RASA3: variants seen among roughly 807,000 people sequenced by gnomAD.
RASA3 encodes the protein RAS p21 protein activator 3.
RASA3 carries 73 observed loss-of-function variants against 110.0 expected under a neutral mutation model. That is an observed-to-expected ratio of 0.66 (90% CI 0.55 to 0.81). The LOEUF (loss-of-function observed/expected upper bound fraction) is 0.81. RASA3 is among the 30% of genes least tolerant of loss of function. RASA3 has a pLI of 0.00. For synonymous variants in RASA3, 500 were observed against 451.4 expected (o/e 1.11, Z -1.37); for missense variants, 976 against 1,113.2 (o/e 0.88, Z 1.75).
Position 114,011,739 on chromosome 13 carries a change from A to G in RASA3, c.1513-491T>C, listed in dbSNP as rs530546773. 6.6e-6 allele frequency among the ~76,000 whole-genome samples: 1 copy of G among 152,214 alleles called. No homozygotes were observed. Among genetic ancestry groups the G allele is most frequent in the South Asian group, 2.1e-4 (1 of 4,824 alleles). On this transcript the variant is annotated intron_variant, in intron 15 of 23. Coordinates refer to ENST00000334062, the MANE Select transcript of RASA3 (RefSeq NM_007368.4). The surrounding 1 kb of genome is among the most constrained non-coding windows in gnomAD (Gnocchi z 4.8). ...GGAGTTCGAGACCAGCCTGGCCAAC[A>G]TGGTAAAACCCCATCTCTAATAAAA...
chr13:114,042,688 G>A (rs915622810), intron 3 of RASA3, among the ~76,000 whole-genome samples: 9 of 152,220 alleles, frequency 5.9e-5, no homozygotes, highest in African/African-American at 1.7e-4. Context: ...CTCTTCCAAG[G>A]AAGATCCTTT....
intron 4 of RASA3, among the ~76,000 whole-genome samples, chr13:114,036,765 G>A (rs1277910269): frequency 6.6e-6 from 1 of 152,166 alleles, no homozygotes; most frequent in Non-Finnish European, 1.5e-5. Flanking sequence ...TCAAACACCT[G>A]ACCTCAGGTG....
chr13:114,073,696 A>G (rs1169913512), intron 2 of RASA3, 24 bp downstream of exon 2: 5 of 1,561,366 alleles, frequency 3.2e-6, no homozygotes, highest in Non-Finnish European at 4.4e-6. Flanking sequence ...CATCAGTGCC[A>G]AGTAAAGCAA....
At chr13:114,117,317 CGTGTGTGACAGATGCAT>C (rs1292878538) in intron 1 of RASA3, among the ~76,000 whole-genome samples, 1 of 97,442 alleles carries the variant, frequency 1.0e-5, no homozygotes, top group East Asian at 3.5e-4. Flanking sequence ...GAGGGGTGCA[CGTGTGTGACAGATGCAT>C]GTGTGTGAGG....
In RASA3 at chr13:113,992,538, T is replaced by A. The variant is rs2053143453; in HGVS notation, c.2192A>T (p.Glu731Val). ...CAAGTTGAAGAGGGAGTAGATACGC[T>A]CCGTCTCACGGTCCCCATCAATGTC... ...QLDIDGDRET[E>V]RIYSLFNLYM... is the part of the protein sequence containing the mutation. The change falls in exon 22 of 24, where the codon GAG becomes GTG. Residue 731 changes from glutamate to valine, a missense_variant. By Grantham distance (121) the Glu-to-Val change is moderately radical. Around this residue, in one of 4 missense-constraint regions of RASA3, gnomAD observed 132 missense variants for 152.8 expected, o/e 0.86. Transcript: ENST00000334062. The A allele has an allele frequency of 1.2e-6, 2 of 1,613,654 alleles. No homozygotes were observed. The highest frequency in any genetic ancestry group is 1.7e-6 in the Non-Finnish European group (2 of 1,179,964).
chr13:113,996,077 C>A lies in RASA3; in HGVS notation c.2141+454G>T, dbSNP rs1162964433. On this transcript the variant is annotated intron_variant, in intron 21 of 23. Coordinates refer to ENST00000334062, the MANE Select transcript of RASA3 (RefSeq NM_007368.4). Reference sequence around the variant, plus strand: ...GGGGCCCGGCTGATGGGGGGCCCGGCTGATGGGGGGCCCGGCTGATGGGGA... The same window carrying A: ...GGGGCCCGGCTGATGGGGGGCCCGGATGATGGGGGGCCCGGCTGATGGGGA... Among the ~76,000 whole-genome samples, 3 of 110,700 alleles carry A rather than the reference C, an allele frequency of 2.7e-5. No individual in the cohort carries two copies. The Admixed American group carries it at 2.8e-4, about 10-fold the overall frequency. 72.6% of individuals were successfully genotyped at this position (110,700 alleles called of 152,430 possible). A position where few individuals can be genotyped will look rare whatever the true frequency, so the allele number is the denominator to read the frequency against.
chr13:114,094,784 G>T (rs969195940), intron 1 of RASA3, among the ~76,000 whole-genome samples: 2 of 152,046 alleles, frequency 1.3e-5, no homozygotes, highest in East Asian at 1.9e-4. Context: ...TATGCATTTT[G>T]TTGGGCTATA....
In RASA3 at chr13:114,014,575, G is replaced by A. The variant is rs1211532892; in HGVS notation, c.1405+634C>T. On this transcript the variant is annotated intron_variant, in intron 14 of 23. Transcript: ENST00000334062. The surrounding 1 kb of genome is among the most constrained non-coding windows in gnomAD (Gnocchi z 4.5). The stretch of plus-strand genomic sequence containing the variant: ...CCCCATACATAGCCTGAGTCCTGGC[G>A]GGGTCTTGAGTATCGCAGGTGATGG... Among the ~76,000 whole-genome samples, 6 of 152,154 alleles carry A rather than the reference G, an allele frequency of 3.9e-5. No homozygotes were observed. The highest frequency in any genetic ancestry group is 1.3e-4 in the Admixed American group (2 of 15,282).
chr13:114,069,254 C>T (rs1239431740), intron 2 of RASA3, among the ~76,000 whole-genome samples: 2 of 152,000 alleles, frequency 1.3e-5, no homozygotes, highest in Non-Finnish European at 2.9e-5. Context: ...TGCTTCTCCC[C>T]AGGGAATGTG....
At chr13:114,066,514 C>A (rs192673764) in intron 2 of RASA3, among the ~76,000 whole-genome samples, 418 of 152,322 alleles carry the variant, frequency 2.7e-3, no homozygotes, top group African/African-American at 9.4e-3. Flanking sequence ...CCAGCCTCTC[C>A]CTGCAGTGGC....
intron 4 of RASA3, among the ~76,000 whole-genome samples, chr13:114,030,199 A>G (rs2054120904): frequency 6.6e-6 from 1 of 152,252 alleles, no homozygotes; most frequent in African/African-American, 2.4e-5. Context: ...TCAGTGAAGC[A>G]GACCCCCAAA....
intron 1 of RASA3, among the ~76,000 whole-genome samples, chr13:114,100,392 A>G (rs1175408405): frequency 2.0e-5 from 3 of 152,156 alleles, no homozygotes; most frequent in East Asian, 3.9e-4. Context: ...AACACCCAGG[A>G]GCCGCCCGCC....
rs749689177 is a variant in RASA3 at position 113,996,686 on chromosome 13, G to A, written c.1986C>T (p.Cys662=). 8.7e-6 allele frequency: 14 copies of A among 1,613,702 alleles called. No homozygotes were observed. Among genetic ancestry groups the A allele is most frequent in the African/African-American group, 2.7e-5 (2 of 74,946 alleles). Residue 662 remains cysteine (C), a synonymous_variant, in exon 21 of 24, where the codon TGC becomes TGT. Transcript: ENST00000334062. ...ERALYIQANN[C]VEAKDWIDIL... ...TGTCGATCCAGTCCTTGGCCTCCAC[G>A]CAGTTGTTGGCCTGGATGTACAGCG...
intron 1 of RASA3, among the ~76,000 whole-genome samples, chr13:114,093,559 T>C (rs2079910740): frequency 6.6e-6 from 1 of 152,230 alleles, no homozygotes; most frequent in Non-Finnish European, 1.5e-5. Flanking sequence ...ATCTGATTGG[T>C]GACCTTTGAC....
chr13:114,032,132 C>T (rs1253834246), intron 4 of RASA3, among the ~76,000 whole-genome samples: 1 of 152,074 alleles, frequency 6.6e-6, no homozygotes, highest in African/African-American at 2.4e-5. Flanking sequence ...TAACATATGT[C>T]CCTAAATTGT....
In RASA3 at chr13:114,015,371, T is replaced by G. The variant is rs1394043569; in HGVS notation, c.1282-39A>C. On this transcript the variant is annotated intron_variant, in intron 13 of 23. Transcript: ENST00000334062. ...CGGCACTGGGACCCACTCCCGAGGC[T>G]GCCCACAGGTGCGTGTAGCACCAGG... The G allele has an allele frequency of 3.1e-6, 5 of 1,608,002 alleles. No individual in the cohort carries two copies. In the Admixed American group the frequency reaches 5.0e-5, roughly 16 times the overall value.
intron 22 of RASA3, among the ~76,000 whole-genome samples, chr13:113,982,390 A>G (rs145728556): frequency 6.6e-6 from 1 of 152,216 alleles, no homozygotes; most frequent in Non-Finnish European, 1.5e-5. Context: ...CAGGGCGGAC[A>G]CCAGTCTGTG....
In RASA3 at chr13:114,112,709, C is replaced by T. The variant is rs1284183166; in HGVS notation, c.55+19726G>A. Reference sequence around the variant, plus strand: ...CACACACTCAGGCCTGTGTGGCCAGCGTGGTCCTCCTTTCCCACAGCCAAG... The same window carrying T: ...CACACACTCAGGCCTGTGTGGCCAGTGTGGTCCTCCTTTCCCACAGCCAAG... On this transcript the variant is annotated intron_variant, in intron 1 of 23. Transcript: ENST00000334062. The surrounding 1 kb of genome is among the most constrained non-coding windows in gnomAD (Gnocchi z 4.8). Among the ~76,000 whole-genome samples the T allele has an allele frequency of 2.6e-5, 4 of 151,960 alleles. No individual in the cohort carries two copies. The highest frequency in any genetic ancestry group is 5.9e-5 in the Non-Finnish European group (4 of 67,984).
At chr13:113,994,314 G>A (rs900456716) in intron 21 of RASA3, among the ~76,000 whole-genome samples, 1 of 152,114 alleles carries the variant, frequency 6.6e-6, no homozygotes. Flanking sequence ...ATAAAATTGT[G>A]TCACTTATTC....
Sources: gnomAD v4.1 joint callset for allele counts (sites outside exome capture counted in the v4.1 genomes callset) on GRCh38, gnomAD v4.1.1 for gene constraint, gnomAD v4.1.1 regional missense constraint, Gnocchi (gnomAD v3.1) non-coding constraint, MANE v1.5 for transcripts, NCBI Gene and HGNC (gene_info 2026-07-23, HGNC 2026-07-21) for gene names.